The following RIC1 variants were observed in gnomAD, a reference collection of about 807,000 sequenced individuals.
RIC1 encodes guanine nucleotide exchange factor subunit RIC1.
RIC1 carries 88 observed loss-of-function variants against 169.0 expected under a neutral mutation model. That is an observed-to-expected ratio of 0.52 (90% confidence interval 0.44 to 0.62). The LOEUF (loss-of-function observed/expected upper bound fraction) is 0.62. Among genes scored for constraint, RIC1 ranks in the 20% least tolerant of loss-of-function variants. The pLI is 0.00. For synonymous variants in RIC1, 790 were observed against 601.5 expected (o/e 1.31, Z -4.59); for missense variants, 1,877 against 1,725.5 (o/e 1.09, Z -1.56).
chr9:5,717,290 G>C (rs1270668070), intron 4 of RIC1, among the ~76,000 whole-genome samples: 7 of 152,102 alleles, frequency 4.6e-5, no homozygotes, highest in Admixed American at 3.3e-4. Context: ...GATTACTGGA[G>C]GATAACTCTG....
chr9:5,736,983 C>CA lies in RIC1; in HGVS notation c.813-1453dup, dbSNP rs55858819. On this transcript the variant is annotated intron_variant, in intron 7 of 25. Coordinates refer to ENST00000414202, the MANE Select transcript of RIC1 (RefSeq NM_020829.4). ...GAAACCATCTGATTTCTCCTACCAC[C>CA]AAAAAAAAAAAAAACAATCTGGTAG... Among the ~76,000 whole-genome samples, 495 of 139,722 alleles carry CA rather than the reference C, an allele frequency of 3.5e-3. 2 individuals are homozygous for CA. The highest frequency in any genetic ancestry group is 4.9e-3 in the African/African-American group (188 of 38,196). The allele number at this position is 139,722 out of a possible 152,430, so 91.7% of individuals were successfully genotyped here. A position where few individuals can be genotyped will look rare whatever the true frequency, so the allele number is the denominator to read the frequency against.
At chr9:5,656,763 G>C (rs1427483164) in intron 2 of RIC1, 73 bp downstream of exon 2, 2 of 870,618 alleles carry the variant, frequency 2.3e-6, no homozygotes, top group African/African-American at 3.4e-5. Context: ...GATTCTCTTA[G>C]ATGACTTTCT....
intron 24 of RIC1, 63 bp from the exon 25 acceptor site, chr9:5,772,829 G>A: frequency 1.3e-6 from 2 of 1,553,860 alleles, no homozygotes; most frequent in South Asian, 2.4e-5. Context: ...AATAATCATT[G>A]CACTTCTGTA....
intron 23 of RIC1, 131 bp downstream of exon 23, chr9:5,770,409 G>A (rs1435559815): frequency 1.2e-6 from 1 of 825,046 alleles, no homozygotes; most frequent in African/African-American, 1.7e-5. Flanking sequence ...CACTGGAGAG[G>A]TAGAAAGTTT....
At chr9:5,684,418 T>C (rs1821082652) in intron 2 of RIC1, among the ~76,000 whole-genome samples, 1 of 151,872 alleles carries the variant, frequency 6.6e-6, no homozygotes, top group Non-Finnish European at 1.5e-5. Context: ...GATGTATTTC[T>C]CCATTGAAGT....
chr9:5,650,899 G>A (rs889992719), intron 1 of RIC1, among the ~76,000 whole-genome samples: 1 of 152,172 alleles, frequency 6.6e-6, no homozygotes, highest in Non-Finnish European at 1.5e-5. Context: ...TAGGCCCCCA[G>A]GTGGATGCAG....
chr9:5,733,831 T>C (rs1238700761), intron 7 of RIC1, among the ~76,000 whole-genome samples: 3 of 151,700 alleles, frequency 2.0e-5, no homozygotes, highest in Admixed American at 6.6e-5. Flanking sequence ...ATAATTTTCC[T>C]CTTTACTCTT....
intron 2 of RIC1, among the ~76,000 whole-genome samples, chr9:5,685,443 A>G (rs1421653631): frequency 6.7e-6 from 1 of 150,098 alleles, no homozygotes; most frequent in East Asian, 2.0e-4. Context: ...GATCAATGGA[A>G]CAGAACAGAG....
chr9:5,689,584 T>C (rs910347528), intron 2 of RIC1, among the ~76,000 whole-genome samples: 3 of 152,214 alleles, frequency 2.0e-5, no homozygotes, highest in Non-Finnish European at 2.9e-5. Context: ...AATAAAGCCA[T>C]AAAGTGGCAT....
At chr9:5,771,970 A>C (rs570266929) in intron 23 of RIC1, among the ~76,000 whole-genome samples, 27 of 152,186 alleles carry the variant, frequency 1.8e-4, no homozygotes, top group Non-Finnish European at 4.0e-4. Flanking sequence ...CCAAAATACC[A>C]TTATCATCCC....
intron 12 of RIC1, among the ~76,000 whole-genome samples, chr9:5,751,694 T>G (rs1227693301): frequency 6.6e-6 from 1 of 152,190 alleles, no homozygotes; most frequent in African/African-American, 2.4e-5. Flanking sequence ...ATTGATTTAG[T>G]TGGATTTTAA....
chr9:5,695,132 AGAT>A (rs1377161635), intron 3 of RIC1, among the ~76,000 whole-genome samples: 11 of 152,244 alleles, frequency 7.2e-5, no homozygotes, highest in Non-Finnish European at 1.5e-4. Context: ...TTCACTGAGA[AGAT>A]GACATATAAA....
intron 10 of RIC1, among the ~76,000 whole-genome samples, chr9:5,744,541 C>G (rs902485690): frequency 6.6e-6 from 1 of 152,082 alleles, no homozygotes; most frequent in Non-Finnish European, 1.5e-5. Context: ...GGGGATGGGA[C>G]TCAAGTCTAA....
Position 5,629,131 on chromosome 9 carries a change from G to A in RIC1, c.-179G>A. On this transcript the variant is annotated 5_prime_UTR_variant, in exon 1 of 26. In the 5' UTR this introduces an upstream ATG that the reference lacks. Coordinates refer to ENST00000414202, the MANE Select transcript of RIC1 (RefSeq NM_020829.4). ...CACACTCGGCCCCGTCAGCTTGGGG[G>A]TGCCTTCGTCGCGCAGCCTTGCGTC... is the stretch of plus-strand genomic sequence containing the variant. The A allele has an allele frequency of 2.2e-6, 1 of 444,512 alleles. No homozygotes were observed. Among genetic ancestry groups the A allele is most frequent in the Non-Finnish European group, 3.6e-6 (1 of 276,504 alleles). 27.5% of individuals were successfully genotyped at this position (444,512 alleles called of 1,614,324 possible).
chr9:5,657,066 C>A (rs904352077), intron 2 of RIC1, among the ~76,000 whole-genome samples: 3 of 152,124 alleles, frequency 2.0e-5, no homozygotes, highest in African/African-American at 7.2e-5. Flanking sequence ...GCACCTATAT[C>A]CTTTTCTGTT....
intron 1 of RIC1, among the ~76,000 whole-genome samples, chr9:5,629,658 A>T (rs1376871789): frequency 1.3e-5 from 2 of 151,884 alleles, no homozygotes; most frequent in Admixed American, 6.5e-5. Context: ...TCCGGGGTGG[A>T]TGAAGTCGCT....
intron 3 of RIC1, among the ~76,000 whole-genome samples, chr9:5,707,265 T>C (rs1055510013): frequency 1.3e-5 from 2 of 152,302 alleles, no homozygotes; most frequent in Admixed American, 1.3e-4. Context: ...TTTCAGTCTT[T>C]TAAAATTTAT....
intron 14 of RIC1, 29 bp downstream of exon 14, chr9:5,753,675 T>C: frequency 8.6e-7 from 1 of 1,159,552 alleles, no homozygotes; most frequent in South Asian, 1.3e-5. Flanking sequence ...TAAAAACCTA[T>C]TTCTCAAAGT....
chr9:5,675,747 C>A lies in RIC1; in HGVS notation c.253-14212C>A, dbSNP rs146510292. Reference sequence around the variant, plus strand: ...TGGCCTACAAATAACATGGAGGAATCATATGTAAAAACTAATGTACCAGTT... The same window carrying A: ...TGGCCTACAAATAACATGGAGGAATAATATGTAAAAACTAATGTACCAGTT... On this transcript the variant is annotated intron_variant, in intron 2 of 25. Transcript: ENST00000414202. Among the ~76,000 whole-genome samples, 611 of 152,210 alleles carry A rather than the reference C, an allele frequency of 4.0e-3. 1 individual carries two copies. The highest frequency in any genetic ancestry group is 0.014 in the African/African-American group (578 of 41,532).
Sources: gnomAD v4.1 joint callset for allele counts (sites outside exome capture counted in the v4.1 genomes callset) on GRCh38, gnomAD v4.1.1 for gene constraint, MANE v1.5 for transcripts, NCBI Gene and HGNC (gene_info 2026-07-23, HGNC 2026-07-21) for gene names.